The following MICAL1 variants were observed in gnomAD, a reference collection of about 807,000 sequenced individuals.
MICAL1 encodes [F-actin]-monooxygenase MICAL1.
In MICAL1, 95 loss-of-function variants were observed where a neutral mutation model predicts 131.8. The observed-to-expected ratio is 0.72, with a 90% CI of 0.61 to 0.86. MICAL1 has a LOEUF of 0.86. Among genes scored for constraint, MICAL1 ranks in the 40% least tolerant of loss-of-function variants. MICAL1 has a pLI of 0.00. For synonymous variants in MICAL1, 546 were observed against 554.2 expected (o/e 0.99, Z 0.21); for missense variants, 1,292 against 1,380.6 (o/e 0.94, Z 1.02).
rs139385529 is a variant in MICAL1, at chr6:109,453,336, C to G, written c.498G>C (p.Lys166Asn). 1.8e-5 allele frequency: 29 copies of G among 1,614,090 alleles called. No homozygotes were observed. In the East Asian group the frequency reaches 5.8e-4, roughly 32 times the overall value. ...TTTCCACCCCCAGCAGCAATGCTACCTTCAGCAGAAGCAGCTGGAGCTGCC... is the reference window on the plus strand; with the variant it reads ...TTTCCACCCCCAGCAGCAATGCTACGTTCAGCAGAAGCAGCTGGAGCTGCC... ...SIRQLQLLLLKVALLLGVEIH... is the reference protein window; with the variant it reads ...SIRQLQLLLLNVALLLGVEIH... The change falls in exon 4 of 25, where the codon AAG (lysine) becomes AAC (asparagine). Residue 166 changes from lysine (K) to asparagine (N), a missense_variant. Coordinates refer to ENST00000358807, the MANE Select transcript of MICAL1 (RefSeq NM_022765.4).
Position 109,454,121 on chromosome 6 carries a change from C to T in MICAL1, c.76G>A (p.Val26Met), listed in dbSNP as rs144928591. 2.8e-5 allele frequency: 45 copies of T among 1,613,662 alleles called. No homozygotes were observed. The highest frequency in any genetic ancestry group is 5.0e-5 in the Admixed American group (3 of 60,022). Reference sequence around the variant, plus strand: ...CACAGCTCCTGGAAGCTGCTCAGCACGTCCTGGCACAGCTGGGCCTGCAGG... The same window carrying T: ...CACAGCTCCTGGAAGCTGCTCAGCATGTCCTGGCACAGCTGGGCCTGCAGG... The part of the protein sequence containing the change: ...SFLQAQLCQD[V>M]LSSFQELCGA... The change falls in exon 2 of 25, where the codon GTG becomes ATG. Residue 26 changes from valine (V) to methionine (M), a missense_variant. By Grantham distance (21) the Val-to-Met change is conservative (BLOSUM62 1). Coordinates refer to ENST00000358807, the MANE Select transcript of MICAL1 (RefSeq NM_022765.4).
At chr6:109,463,574 T>G (rs1775957882) in intron 1 of MICAL1, 2 of 152,210 alleles carry the variant, frequency 1.3e-5, no homozygotes. Flanking sequence ...ATTTCAATTC[T>G]TGAAAAAAAC....
At position 109,444,216 on chromosome 6, in the gene MICAL1, G is replaced by C; in HGVS notation, c.3179C>G (p.Ala1060Gly). The C allele has an allele frequency of 1.2e-6, 2 of 1,613,434 alleles. No homozygotes were observed. The highest frequency in any genetic ancestry group is 4.5e-5 in the East Asian group (2 of 44,878). Residue 1060 changes from alanine (A) to glycine (G), a missense_variant, in exon 25 of 25, where the codon GCC becomes GGC. Physicochemically the swap from Ala to Gly is moderately conservative, Grantham distance 60. Coordinates refer to ENST00000358807, the MANE Select transcript of MICAL1 (RefSeq NM_022765.4). ...FQEERRLSEL[A>G]LGTGAQG ...CTAGCCCTGGGCCCCTGTCCCCAAG[G>C]CCAGCTCGCTGAGCCTGCGCTCCTC...
At position 109,447,417 on chromosome 6, in the gene MICAL1, A is replaced by G; in HGVS notation, c.2010T>C (p.Thr670=). 2.5e-6 allele frequency: 4 copies of G among 1,613,528 alleles called. No individual in the cohort carries two copies. Among genetic ancestry groups the G allele is most frequent in the Non-Finnish European group, 3.4e-6 (4 of 1,179,762 alleles). ...RLEMEAETPS[T]EVPPDPEPGV... is the part of the protein sequence containing the mutation. ...CAGGCTCTGGGTCAGGTGGCACCTCAGTACTTGGGGTCTCGGCCTCCATCT... is the reference window on the plus strand; with the variant it reads ...CAGGCTCTGGGTCAGGTGGCACCTCGGTACTTGGGGTCTCGGCCTCCATCT... The change falls in exon 16 of 25, where the codon ACT becomes ACC. Residue 670 remains threonine (T), a synonymous_variant. Coordinates refer to ENST00000358807, the MANE Select transcript of MICAL1 (RefSeq NM_022765.4).
chr6:109,464,107 A>G, intron 1 of MICAL1: 1 of 152,240 alleles, frequency 6.6e-6, no homozygotes, highest in Non-Finnish European at 1.5e-5. Flanking sequence ...AAAATTAAAC[A>G]GTTTAAACGA....
chr6:109,449,822 A>C (rs1390993849), intron 9 of MICAL1, 39 bp from the exon 10 acceptor site: 1 of 1,591,762 alleles, frequency 6.3e-7, no homozygotes, highest in Non-Finnish European at 8.5e-7. Flanking sequence ...CATGAATGGG[A>C]GGGCACCTGT....
At chr6:109,461,023 G>C (rs1241156488) in intron 1 of MICAL1, among the ~76,000 whole-genome samples, 1 of 151,920 alleles carries the variant, frequency 6.6e-6, no homozygotes, top group Non-Finnish European at 1.5e-5. Context: ...GGTTACATAG[G>C]TATACATGTG....
At chr6:109,449,265 A>G (rs992245313) in intron 11 of MICAL1, 135 bp downstream of exon 11, 8 of 989,156 alleles carry the variant, frequency 8.1e-6, no homozygotes, top group Non-Finnish European at 1.3e-5. Context: ...CAGGCCCCCA[A>G]CCAACCCACC....
upstream of MICAL1, among the ~76,000 whole-genome samples, chr6:109,457,093 A>G (rs1257722440): frequency 3.3e-5 from 5 of 152,062 alleles, no homozygotes; most frequent in Admixed American, 1.3e-4. Context: ...TTTGCATTTC[A>G]TCTGGAAAAT....
intron 3 of MICAL1, 132 bp downstream of exon 3, chr6:109,453,506 C>G (rs1454337182): frequency 6.7e-7 from 1 of 1,498,334 alleles, no homozygotes; most frequent in African/African-American, 1.4e-5. Flanking sequence ...AGATGGGGGA[C>G]CTGAATCTTC....
Position 109,453,689 on chromosome 6 carries a change from C to T in MICAL1, c.415G>A (p.Gly139Ser), listed in dbSNP as rs777061783. 3.3e-5 allele frequency: 53 copies of T among 1,613,672 alleles called. No homozygotes were observed. Among genetic ancestry groups the T allele is most frequent in the Admixed American group, 2.5e-4 (15 of 59,996 alleles). ...AAGCGCCCGTAGAACTTCTTAGCAC[C>T]GAGTGCCCGCAGGTCGTGGATGGTG... is the stretch of plus-strand genomic sequence containing the variant. ...PFTIHDLRAL[G>S]AKKFYGRFCT... The change falls in exon 3 of 25, where the codon GGT becomes AGT. Residue 139 changes from glycine (G) to serine (S), a missense_variant. Physicochemically the swap from Gly to Ser is moderately conservative, Grantham distance 56. Coordinates refer to ENST00000358807, the MANE Select transcript of MICAL1 (RefSeq NM_022765.4).
chr6:109,453,995 C>T lies in MICAL1; in HGVS notation c.202G>A (p.Asp68Asn), dbSNP rs1047913838. The part of the protein sequence containing the change: ...WSAKSLWTKL[D>N]KRAGQPVYQQ... ...TAGACAGGCTGGCCTGCTCGCTTGT[C>T]CAGCTTGGTCCACAGTGACTTGGCG... The change falls in exon 2 of 25, where the codon GAC becomes AAC. Residue 68 changes from aspartate (D) to asparagine (N), a missense_variant. Transcript: ENST00000358807. 6.2e-7 allele frequency: 1 copy of T among 1,614,004 alleles called. No homozygotes were observed. The highest frequency in any genetic ancestry group is 1.3e-5 in the African/African-American group (1 of 74,950).
chr6:109,455,831 T>C (rs1775727292), upstream of MICAL1: 7 of 985,180 alleles, frequency 7.1e-6, no homozygotes, highest in Non-Finnish European at 7.2e-6. This position sits in a 1 kb window ranked among gnomAD's most constrained non-coding sequence, Gnocchi z 4.7. Context: ...CGGGCGGGGA[T>C]GCTGGGATGC....
At chr6:109,445,176 G>C in intron 22 of MICAL1, 21 bp downstream of exon 22, 1 of 1,611,764 alleles carries the variant, frequency 6.2e-7, no homozygotes, top group Non-Finnish European at 8.5e-7. Flanking sequence ...AGGCAGAGGG[G>C]TGTCCTAGCT....
At chr6:109,449,245 G>T (rs755457650) in intron 11 of MICAL1, 155 bp downstream of exon 11, 1 of 813,394 alleles carries the variant, frequency 1.2e-6, no homozygotes, top group Admixed American at 2.0e-5. Flanking sequence ...CTGCCCCTCC[G>T]TTCCTCCAGC....
exon 1 of MICAL1, chr6:109,465,898 T>A: frequency 6.2e-7 from 1 of 1,613,882 alleles, no homozygotes; most frequent in Non-Finnish European, 8.5e-7. Flanking sequence ...ACGTGGTGAG[T>A]GGGTGGTGGC....
At chr6:109,446,834 A>G in intron 17 of MICAL1, 62 bp from the exon 18 acceptor site, 2 of 1,482,312 alleles carry the variant, frequency 1.3e-6, no homozygotes, top group Middle Eastern at 2.2e-4. Context: ...CAGACACGCA[A>G]CAGTTTATGA....
At chr6:109,444,868 G>A (rs781437117) in intron 23 of MICAL1, 28 bp downstream of exon 23, 2 of 1,613,976 alleles carry the variant, frequency 1.2e-6, no homozygotes, top group Admixed American at 3.3e-5. Flanking sequence ...TGGCCCATGG[G>A]CCACTGTCAC....
At chr6:109,463,286 C>T (rs1326114524) in intron 1 of MICAL1, 4 of 152,178 alleles carry the variant, frequency 2.6e-5, no homozygotes, top group African/African-American at 9.7e-5. Context: ...CGCCCGGCGT[C>T]ATTGAACTTT....
Sources: allele counts gnomAD v4.1 joint callset (sites outside exome capture counted in the v4.1 genomes callset), GRCh38; gene constraint gnomAD v4.1.1; non-coding constraint Gnocchi (gnomAD v3.1); transcripts MANE v1.5; gene names NCBI Gene and HGNC (gene_info 2026-07-23, HGNC 2026-07-21).